The following MAD1L1 variants were observed in gnomAD, a reference collection of about 807,000 sequenced individuals.
The protein encoded by MAD1L1 is mitotic arrest deficient 1 like 1, also known as mitotic spindle assembly checkpoint protein MAD1.
A neutral mutation model predicts 96.9 loss-of-function variants in MAD1L1; 95 were observed. That is an observed-to-expected ratio of 0.98 (90% CI 0.83 to 1.16). The LOEUF (loss-of-function observed/expected upper bound fraction) is 1.16, where lower values mean the gene tolerates loss of function less well. Ranked by LOEUF, MAD1L1 falls within the 50% of genes most tolerant of loss-of-function variation. MAD1L1 has a pLI of 0.00. For missense variants in MAD1L1, 1,007 were observed against 954.4 expected, an observed-to-expected ratio of 1.06 and a Z score of -0.73; for synonymous variants, 473 against 396.6, an observed-to-expected ratio of 1.19 and a Z score of -2.29.
chr7:2,158,241 C>T (rs1789935406), intron 10 of MAD1L1, among the ~76,000 whole-genome samples: 1 of 152,206 alleles, frequency 6.6e-6, no homozygotes, highest in African/African-American at 2.4e-5. Context: ...CCTTCCGAGG[C>T]GAGAGCAGCT....
chr7:1,931,276 C>T (rs545775714), intron 17 of MAD1L1, among the ~76,000 whole-genome samples: 5 of 152,204 alleles, frequency 3.3e-5, no homozygotes, highest in South Asian at 2.1e-4. Context: ...GAGGGCGCGT[C>T]GTGGGGTCCA....
intron 18 of MAD1L1, among the ~76,000 whole-genome samples, chr7:1,890,289 C>G (rs552754198): frequency 2.6e-5 from 4 of 152,184 alleles, no homozygotes; most frequent in African/African-American, 4.8e-5. Context: ...GAGGTGTCTG[C>G]GTCATGGGGT....
chr7:2,014,404 G>A (rs925174477), intron 13 of MAD1L1, 98 bp downstream of exon 13: 32 of 1,411,936 alleles, frequency 2.3e-5, no homozygotes, highest in South Asian at 3.0e-5. Flanking sequence ...CTGGGGAGGC[G>A]GGGTCCAGAC....
chr7:1,897,344 G>C (rs1193641731), intron 18 of MAD1L1, among the ~76,000 whole-genome samples: 1 of 152,222 alleles, frequency 6.6e-6, no homozygotes, highest in Non-Finnish European at 1.5e-5. Flanking sequence ...TCCCAGGTGG[G>C]GCCCGTCTCT....
chr7:2,020,890 G>A (rs1263155022), intron 12 of MAD1L1, among the ~76,000 whole-genome samples: 1 of 151,228 alleles, frequency 6.6e-6, no homozygotes, highest in Non-Finnish European at 1.5e-5. Flanking sequence ...GGCTAAAACT[G>A]AAAGTAGCAA....
chr7:1,998,092 A>G (rs925400267), intron 14 of MAD1L1, among the ~76,000 whole-genome samples: 1 of 152,202 alleles, frequency 6.6e-6, no homozygotes, highest in East Asian at 1.9e-4. Flanking sequence ...GAGAAAAAAC[A>G]CAGGTTGAAA....
chr7:2,227,210 C>G (rs989570038), intron 3 of MAD1L1, among the ~76,000 whole-genome samples: 16 of 152,044 alleles, frequency 1.1e-4, no homozygotes, highest in African/African-American at 3.4e-4. Flanking sequence ...GAGGGAGAAT[C>G]ACTTGAACCC....
chr7:2,066,774 G>A (rs1459569834), intron 12 of MAD1L1, among the ~76,000 whole-genome samples: 5 of 152,202 alleles, frequency 3.3e-5, no homozygotes, highest in Admixed American at 6.5e-5. Flanking sequence ...CATCACGGCC[G>A]GGAGCCCTGG....
chr7:1,921,452 G>A (rs1283329574), intron 17 of MAD1L1, among the ~76,000 whole-genome samples: 5 of 151,862 alleles, frequency 3.3e-5, no homozygotes, highest in African/African-American at 4.8e-5. Context: ...TATAGTACCT[G>A]TAGCTGGGAC....
rs529046032 is a variant in MAD1L1 at position 2,088,357 on chromosome 7, C to T, written c.1074-19019G>A. 2.6e-5 allele frequency among the ~76,000 whole-genome samples: 4 copies of T among 152,294 alleles called. No homozygotes were observed. The highest frequency in any genetic ancestry group is 1.9e-4 in the East Asian group (1 of 5,182). On this transcript the variant is annotated intron_variant, in intron 11 of 18. Coordinates refer to ENST00000265854, the MANE Select transcript of MAD1L1 (RefSeq NM_001013836.2). This position sits in a 1 kb window ranked among gnomAD's most constrained non-coding sequence, Gnocchi z 4.4. Reference sequence around the variant, plus strand: ...TCGTGCTACCCTGGTTCCGTGTCGGCGCCAGCCCTCCAACCTTCTGGCCCA... The same window carrying T: ...TCGTGCTACCCTGGTTCCGTGTCGGTGCCAGCCCTCCAACCTTCTGGCCCA...
At chr7:1,899,261 C>T (rs1040308652) in intron 17 of MAD1L1, among the ~76,000 whole-genome samples, 2 of 152,238 alleles carry the variant, frequency 1.3e-5, no homozygotes, top group African/African-American at 2.4e-5. Flanking sequence ...CTCGATTTAT[C>T]CCCGCGTTAA....
intron 5 of MAD1L1, chr7:2,220,791 C>A: frequency 7.8e-7 from 1 of 1,276,624 alleles, no homozygotes; most frequent in South Asian, 1.5e-5. Context: ...AGTGAAGCAT[C>A]AACCTGGGAG....
chr7:2,177,914 A>C (rs978395074), intron 10 of MAD1L1, among the ~76,000 whole-genome samples: 4 of 151,944 alleles, frequency 2.6e-5, no homozygotes, highest in African/African-American at 9.7e-5. Context: ...CTCTGGAGGC[A>C]AGAGCAACCC....
chr7:1,921,933 T>C (rs1788816752), intron 17 of MAD1L1, among the ~76,000 whole-genome samples: 1 of 151,886 alleles, frequency 6.6e-6, no homozygotes, highest in Non-Finnish European at 1.5e-5. Flanking sequence ...CAGAAGAAAA[T>C]AGAATTATTT....
At chr7:2,006,311 G>A (rs905012297) in intron 13 of MAD1L1, among the ~76,000 whole-genome samples, 3 of 152,062 alleles carry the variant, frequency 2.0e-5, no homozygotes, top group Non-Finnish European at 4.4e-5. Context: ...GAGCGGGTGT[G>A]GACAGGGCAG....
chr7:2,217,865 C>T, intron 7 of MAD1L1, 97 bp downstream of exon 7: 4 of 1,019,042 alleles, frequency 3.9e-6, no homozygotes, highest in South Asian at 1.3e-5. Context: ...CACAGAAGGA[C>T]CACGGAGCTC....
chr7:1,878,739 C>A (rs868864906), intron 18 of MAD1L1, among the ~76,000 whole-genome samples: 44 of 148,670 alleles, frequency 3.0e-4, no homozygotes, highest in Non-Finnish European at 5.2e-4. Flanking sequence ...TGTCCCCCCC[C>A]CCCCATTCTT....
chr7:2,172,825 C>T (rs1389483076), intron 10 of MAD1L1, among the ~76,000 whole-genome samples: 1 of 152,172 alleles, frequency 6.6e-6, no homozygotes. Context: ...GATGGGCTCC[C>T]GTGGGGCGAA....
chr7:2,160,634 A>AT lies in MAD1L1; in HGVS notation c.987-11397dup, dbSNP rs754592204. On this transcript the variant is annotated intron_variant, in intron 10 of 18. Transcript: ENST00000265854. ...AGGCGTGAGCCACCGCCCCCGGCCT[A>AT]TTTTTTTTTCTTTTTTGAGACAGAG... Among the ~76,000 whole-genome samples, 463 of 138,070 alleles carry AT rather than the reference A, an allele frequency of 3.4e-3. 1 individual carries two copies. Among genetic ancestry groups the AT allele is most frequent in the Middle Eastern group, 0.014 (3 of 218 alleles). 90.6% of individuals were successfully genotyped at this position (138,070 alleles called of 152,430 possible). A position where few individuals can be genotyped will look rare whatever the true frequency, so the allele number is the denominator to read the frequency against.
Sources: gnomAD v4.1 joint callset for allele counts (sites outside exome capture counted in the v4.1 genomes callset) on GRCh38, gnomAD v4.1.1 for gene constraint, Gnocchi (gnomAD v3.1) non-coding constraint, MANE v1.5 for transcripts, NCBI Gene and HGNC (gene_info 2026-07-23, HGNC 2026-07-21) for gene names.